The following MSRB3 variants were observed in gnomAD, a reference collection of about 807,000 sequenced individuals.
MSRB3 encodes the protein methionine-R-sulfoxide reductase B3.
MSRB3 carries 13 observed loss-of-function variants against 21.0 expected under a neutral mutation model. The observed-to-expected ratio is 0.62, with a 90% CI of 0.40 to 0.98. MSRB3 has a LOEUF of 0.98. MSRB3 is among the 50% of genes least tolerant of loss of function. The pLI is 0.00. For missense variants in MSRB3, 199 were observed against 230.3 expected (o/e 0.86, Z 0.88); for synonymous variants, 87 against 88.6 (o/e 0.98, Z 0.10).
At chr12:65,378,584 G>C (rs1176964240) in intron 5 of MSRB3, among the ~76,000 whole-genome samples, 1 of 152,188 alleles carries the variant, frequency 6.6e-6, no homozygotes, top group African/African-American at 2.4e-5. Flanking sequence ...ATATGGTTGC[G>C]ATGTGGCCAT....
chr12:65,458,454 G>C (rs1054876290), intron 6 of MSRB3, among the ~76,000 whole-genome samples: 1 of 152,258 alleles, frequency 6.6e-6, no homozygotes, highest in Admixed American at 6.5e-5. Context: ...AGTTCAGATT[G>C]GTTCAGTCCT....
intron 5 of MSRB3, chr12:65,419,162 C>T: frequency 1.5e-6 from 1 of 687,108 alleles, no homozygotes; most frequent in South Asian, 1.6e-5. Flanking sequence ...CCAACCTTGG[C>T]CAACTGCATG....
chr12:65,325,809 A>T (rs1874988112), intron 2 of MSRB3, among the ~76,000 whole-genome samples: 1 of 152,222 alleles, frequency 6.6e-6, no homozygotes, highest in Non-Finnish European at 1.5e-5. Context: ...ATGGCAAAGA[A>T]AAGCAATTTT....
intron 5 of MSRB3, among the ~76,000 whole-genome samples, chr12:65,393,634 A>C (rs1879612442): frequency 2.0e-4 from 4 of 19,652 alleles, no homozygotes; most frequent in Non-Finnish European, 4.1e-4. Context: ...CCGTCGCAAA[A>C]AAAAAAAAAA....
At chr12:65,342,472 T>C (rs1351848227) in intron 4 of MSRB3, among the ~76,000 whole-genome samples, 1 of 151,976 alleles carries the variant, frequency 6.6e-6, no homozygotes, top group Non-Finnish European at 1.5e-5. Flanking sequence ...TCCAATATTG[T>C]CAAATTAAGT....
At chr12:65,324,716 C>A (rs1874903431) in intron 2 of MSRB3, among the ~76,000 whole-genome samples, 1 of 152,180 alleles carries the variant, frequency 6.6e-6, no homozygotes, top group African/African-American at 2.4e-5. Flanking sequence ...CTTTAAGCTA[C>A]TTTTTATGAA....
intron 4 of MSRB3, among the ~76,000 whole-genome samples, chr12:65,365,883 G>T (rs1370115873): frequency 1.3e-5 from 2 of 152,164 alleles, no homozygotes; most frequent in Non-Finnish European, 2.9e-5. Flanking sequence ...GGGCCAAGCT[G>T]GGGGAGAGGA....
intron 5 of MSRB3, among the ~76,000 whole-genome samples, chr12:65,391,786 A>G (rs1355016098): frequency 1.3e-5 from 2 of 152,222 alleles, no homozygotes; most frequent in African/African-American, 4.8e-5. Context: ...GAGTGCTGGA[A>G]GAGTTATCAA....
chr12:65,311,362 G>A (rs963755484), intron 2 of MSRB3, among the ~76,000 whole-genome samples: 1 of 151,884 alleles, frequency 6.6e-6, no homozygotes, highest in East Asian at 1.9e-4. Context: ...ATAATTTCTC[G>A]ACCATTCAAG....
intron 4 of MSRB3, among the ~76,000 whole-genome samples, chr12:65,358,688 T>C (rs955359160): frequency 1.3e-5 from 2 of 152,022 alleles, no homozygotes; most frequent in Non-Finnish European, 2.9e-5. Flanking sequence ...GAGAGTAGTG[T>C]TGGAAACCAA....
chr12:65,446,092 A>G (rs1033396107), intron 5 of MSRB3, among the ~76,000 whole-genome samples: 2 of 152,150 alleles, frequency 1.3e-5, no homozygotes, highest in African/African-American at 2.4e-5. Context: ...TCTTGAGACT[A>G]TTGTTGGTTT....
chr12:65,418,798 TG>T, intron 5 of MSRB3: 2 of 951,554 alleles, frequency 2.1e-6, no homozygotes, highest in Non-Finnish European at 3.4e-6. Flanking sequence ...GGTGGTCTTT[TG>T]GATGGTTTGC....
intron 1 of MSRB3, chr12:65,285,659 A>G (rs1374106144): frequency 1.3e-5 from 2 of 152,182 alleles, no homozygotes; most frequent in African/African-American, 4.8e-5. Flanking sequence ...ATCTCTACAA[A>G]AACTACAAAA....
chr12:65,424,214 T>A (rs893191593), intron 5 of MSRB3, among the ~76,000 whole-genome samples: 8 of 152,090 alleles, frequency 5.3e-5, no homozygotes, highest in African/African-American at 1.9e-4. Flanking sequence ...GTCTTTTTTT[T>A]TTCCCTGATC....
chr12:65,304,077 T>C (rs1041380875), intron 1 of MSRB3, among the ~76,000 whole-genome samples: 20 of 152,138 alleles, frequency 1.3e-4, no homozygotes, highest in African/African-American at 4.8e-4. Flanking sequence ...TATCAGAATG[T>C]GTTCTGGGGG....
intron 5 of MSRB3, among the ~76,000 whole-genome samples, chr12:65,386,778 C>T (rs1565867401): frequency 6.6e-6 from 1 of 151,890 alleles, no homozygotes; most frequent in Non-Finnish European, 1.5e-5. Flanking sequence ...TCAGAATACA[C>T]ATTGCATCAA....
At chr12:65,348,149 C>T (rs1876658037) in intron 4 of MSRB3, among the ~76,000 whole-genome samples, 2 of 152,194 alleles carry the variant, frequency 1.3e-5, no homozygotes, top group Non-Finnish European at 2.9e-5. Context: ...GGAATAGTTT[C>T]AGAAGAAATG....
rs115655064 is a variant in MSRB3 at position 65,462,226 on chromosome 12, C to T, written c.391-929C>T. Among the ~76,000 whole-genome samples the T allele has an allele frequency of 7.9e-3, 1,205 of 152,280 alleles. 17 individuals carry two copies. The highest frequency in any genetic ancestry group is 0.027 in the African/African-American group (1,130 of 41,546). ...ATATGGTGCACCAGTGTCTCCATCTCGTTCGCCCCATCCCTGATGGAAAAG... is the reference window on the plus strand; with the variant it reads ...ATATGGTGCACCAGTGTCTCCATCTTGTTCGCCCCATCCCTGATGGAAAAG... On this transcript the variant is annotated intron_variant, in intron 6 of 6. Coordinates refer to ENST00000308259, the MANE Select transcript of MSRB3 (RefSeq NM_001031679.3).
intron 2 of MSRB3, among the ~76,000 whole-genome samples, chr12:65,323,283 T>C (rs996238751): frequency 4.6e-5 from 7 of 152,308 alleles, no homozygotes; most frequent in Non-Finnish European, 8.8e-5. Context: ...GAAACAATAC[T>C]GGCCTTGAGG....
Sources: allele counts gnomAD v4.1 joint callset (sites outside exome capture counted in the v4.1 genomes callset), GRCh38; gene constraint gnomAD v4.1.1; transcripts MANE v1.5; gene names NCBI Gene and HGNC (gene_info 2026-07-23, HGNC 2026-07-21).